Variants in ADRA1A observed in about 807,000 individuals in gnomAD.
The protein encoded by ADRA1A is adrenoceptor alpha 1A, also known as alpha-1A adrenergic receptor.
Under a neutral mutation model 29.6 loss-of-function variants are expected in ADRA1A, and 31 were observed. The ratio of observed to expected loss-of-function variants is 1.05; its 90% CI spans 0.79 to 1.41. The LOEUF is 1.41. Among genes scored for constraint, ADRA1A ranks in the 40% most tolerant of loss-of-function variants. The pLI is 0.00. For missense variants in ADRA1A, 619 were observed against 601.1 expected, an observed-to-expected ratio of 1.03 and a Z score of -0.31; for synonymous variants, 311 against 254.3, an observed-to-expected ratio of 1.22 and a Z score of -2.12.
At chr8:26,847,932 A>G (rs1304505531) in intron 2 of ADRA1A, among the ~76,000 whole-genome samples, 1 of 152,152 alleles carries the variant, frequency 6.6e-6, no homozygotes, top group Non-Finnish European at 1.5e-5. Flanking sequence ...GCCTTTATCC[A>G]TTTTATGTCT....
intron 2 of ADRA1A, chr8:26,859,342 C>A (rs116773345): frequency 4.2e-6 from 2 of 478,970 alleles, no homozygotes; most frequent in Non-Finnish European, 7.0e-6. Flanking sequence ...TTCTTTAAGT[C>A]TCTGCTCTGT....
chr8:26,793,353 A>AT (rs1585702166), intron 2 of ADRA1A, among the ~76,000 whole-genome samples: 1 of 152,142 alleles, frequency 6.6e-6, no homozygotes, highest in East Asian at 1.9e-4. Context: ...TGAGAGCTTC[A>AT]TGCAAGAAGC....
chr8:26,843,578 T>C (rs1259531589), intron 2 of ADRA1A, among the ~76,000 whole-genome samples: 1 of 152,208 alleles, frequency 6.6e-6, no homozygotes, highest in Non-Finnish European at 1.5e-5. Flanking sequence ...CAGTTAAAAC[T>C]ATGTAGACAA....
chr8:26,856,977 A>G (rs901832870), intron 2 of ADRA1A, among the ~76,000 whole-genome samples: 6 of 152,212 alleles, frequency 3.9e-5, no homozygotes, highest in African/African-American at 1.2e-4. Context: ...CAAGAGGACT[A>G]CAATGATCTG....
chr8:26,751,747 A>G (rs1406800926), downstream of ADRA1A, among the ~76,000 whole-genome samples: 1 of 152,274 alleles, frequency 6.6e-6, no homozygotes, highest in Admixed American at 6.5e-5. Flanking sequence ...AATTGCAACA[A>G]CAACACCTAA....
At chr8:26,793,777 A>T (rs762662756) in intron 2 of ADRA1A, among the ~76,000 whole-genome samples, 30 of 152,004 alleles carry the variant, frequency 2.0e-4, no homozygotes, top group Non-Finnish European at 3.5e-4. Flanking sequence ...AACTATAATG[A>T]TTATAGAAGA....
In ADRA1A at chr8:26,864,473, C is replaced by T. The variant is rs56233953; in HGVS notation, c.497G>A (p.Arg166Lys). 2.8e-3 allele frequency: 4,502 copies of T among 1,613,720 alleles called. 7 individuals are homozygous for T. The highest frequency in any genetic ancestry group is 5.9e-3 in the Middle Eastern group (36 of 6,060). The change falls in exon 2 of 3, where the codon AGG becomes AAG. Residue 166 changes from arginine to lysine, a missense_variant. Coordinates refer to ENST00000380573, the MANE Select transcript of ADRA1A (RefSeq NM_000680.4). The surrounding 1 kb of genome is among the most constrained non-coding windows in gnomAD (Gnocchi z 8.1). Reference sequence around the variant, plus strand: ...GGTCTCGTCCTCGGGGGCCGGCTGCCTCCAGCCGAACAGGGGTCCAATGGA... The same window carrying T: ...GGTCTCGTCCTCGGGGGCCGGCTGCTTCCAGCCGAACAGGGGTCCAATGGA... Reference protein sequence around the residue: ...VISIGPLFGWRQPAPEDETIC... With the variant: ...VISIGPLFGWKQPAPEDETIC...
chr8:26,765,149 C>T (rs893395540), downstream of ADRA1A, among the ~76,000 whole-genome samples: 2 of 152,214 alleles, frequency 1.3e-5, no homozygotes, highest in African/African-American at 4.8e-5. Flanking sequence ...TGCTCCTAAA[C>T]CCCTCTAACC....
rs534807806 is a variant in ADRA1A, at chr8:26,853,551, C to T, written c.883+10536G>A. Among the ~76,000 whole-genome samples, 31 of 152,216 alleles carry T rather than the reference C, an allele frequency of 2.0e-4. No individual in the cohort carries two copies. In the East Asian group the frequency reaches 5.6e-3, roughly 27 times the overall value. On this transcript the variant is annotated intron_variant, in intron 2 of 2. Coordinates refer to ENST00000380573, the MANE Select transcript of ADRA1A (RefSeq NM_000680.4). ...GAGAGACAGATAAATGGAAAAGAAG[C>T]GAGTGTATTCCAAAATAGATCCAAA...
Position 26,774,406 on chromosome 8 carries a change from C to T in ADRA1A, c.884-3740G>A, listed in dbSNP as rs771265017. 1.1e-4 allele frequency among the ~76,000 whole-genome samples: 17 copies of T among 152,310 alleles called. No homozygotes were observed. In the South Asian group the frequency reaches 1.7e-3, roughly 15 times the overall value. On this transcript the variant is annotated intron_variant, in intron 2 of 2. Transcript: ENST00000380573. ...CAAAAGGGCTAGGCATGGTGGCTCACGCCTGTAATCACTGCACTTTGGGAG... is the reference window on the plus strand; with the variant it reads ...CAAAAGGGCTAGGCATGGTGGCTCATGCCTGTAATCACTGCACTTTGGGAG...
intron 2 of ADRA1A, among the ~76,000 whole-genome samples, chr8:26,847,348 C>A (rs137876456): frequency 1.3e-5 from 2 of 152,192 alleles, no homozygotes; most frequent in African/African-American, 4.8e-5. Flanking sequence ...CGATTGAGAA[C>A]TACTAATGTG....
At chr8:26,837,403 C>T (rs1328067399) in intron 2 of ADRA1A, among the ~76,000 whole-genome samples, 2 of 152,150 alleles carry the variant, frequency 1.3e-5, no homozygotes, top group Non-Finnish European at 2.9e-5. Context: ...GTAATCCCAG[C>T]ACTTTGGGAG....
intron 2 of ADRA1A, chr8:26,757,247 A>G: frequency 1.5e-6 from 1 of 673,670 alleles, no homozygotes; most frequent in South Asian, 1.6e-5. Context: ...ACCATTTGGC[A>G]GGGAGATGGC....
chr8:26,799,258 G>C (rs1218161292), intron 2 of ADRA1A, among the ~76,000 whole-genome samples: 1 of 152,168 alleles, frequency 6.6e-6, no homozygotes, highest in African/African-American at 2.4e-5. Context: ...CACATGAGAT[G>C]AGCTCAATGT....
In ADRA1A at chr8:26,831,304, A is replaced by G. The variant is rs1437934614; in HGVS notation, c.883+32783T>C. Among the ~76,000 whole-genome samples the G allele has an allele frequency of 6.6e-6, 1 of 152,232 alleles. No homozygotes were observed. Among genetic ancestry groups the G allele is most frequent in the Non-Finnish European group, 1.5e-5 (1 of 68,030 alleles). ...GATGATTCTGTGTCACAAAAACAGC[A>G]TATAGGGTCAGCTTAATTTCACACA... On this transcript the variant is annotated intron_variant, in intron 2 of 2. Coordinates refer to ENST00000380573, the MANE Select transcript of ADRA1A (RefSeq NM_000680.4). This position sits in a 1 kb window ranked among gnomAD's most constrained non-coding sequence, Gnocchi z 5.2.
At chr8:26,786,750 G>T (rs1174873747) in intron 2 of ADRA1A, among the ~76,000 whole-genome samples, 3 of 151,852 alleles carry the variant, frequency 2.0e-5, no homozygotes, top group South Asian at 2.1e-4. Flanking sequence ...GGGTTGGGGG[G>T]GGGGGTCTCT....
chr8:26,866,921 C>A lies in ADRA1A; in HGVS notation c.-687+15G>T. 3 of 985,418 alleles carry A rather than the reference C, an allele frequency of 3.0e-6. No homozygotes were observed. Among genetic ancestry groups the A allele is most frequent in the Non-Finnish European group, 3.6e-6 (3 of 829,964 alleles). 61.0% of individuals were successfully genotyped at this position (985,418 alleles called of 1,614,324 possible). ...CCCACTCGGCCCTGCGGGACGCCGGCCCCGGCGCACTCACCTGAAGCGCCG... is the reference window on the plus strand; with the variant it reads ...CCCACTCGGCCCTGCGGGACGCCGGACCCGGCGCACTCACCTGAAGCGCCG... On this transcript the variant is annotated intron_variant, in intron 1 of 2. Coordinates refer to ENST00000380573, the MANE Select transcript of ADRA1A (RefSeq NM_000680.4). The surrounding 1 kb of genome is among the most constrained non-coding windows in gnomAD (Gnocchi z 5.7).
chr8:26,834,586 T>G (rs977381760), intron 2 of ADRA1A, among the ~76,000 whole-genome samples: 1 of 152,208 alleles, frequency 6.6e-6, no homozygotes, highest in African/African-American at 2.4e-5. Context: ...TAGATTCTCA[T>G]GAGTGTTATT....
rs573624298 is a variant in ADRA1A at position 26,843,722 on chromosome 8, C to T, written c.883+20365G>A. 4.6e-5 allele frequency among the ~76,000 whole-genome samples: 7 copies of T among 152,270 alleles called. No individual in the cohort carries two copies. The South Asian group carries it at 1.5e-3, about 32-fold the overall frequency. On this transcript the variant is annotated intron_variant, in intron 2 of 2. Coordinates refer to ENST00000380573, the MANE Select transcript of ADRA1A (RefSeq NM_000680.4). ...ATGTACCAGAATCACAGTGCAACTG[C>T]CTCATGGAAAAGCTGGGCATTTTCA...
Sources: allele counts gnomAD v4.1 joint callset (sites outside exome capture counted in the v4.1 genomes callset), GRCh38; gene constraint gnomAD v4.1.1; non-coding constraint Gnocchi (gnomAD v3.1); transcripts MANE v1.5; gene names NCBI Gene and HGNC (gene_info 2026-07-23, HGNC 2026-07-21).